Variants in PFKFB3 observed in about 807,000 individuals in gnomAD.
PFKFB3 encodes 6-phosphofructo-2-kinase/fructose-2,6-biphosphatase 3.
A neutral mutation model predicts 68.0 loss-of-function variants in PFKFB3; 33 were observed. The ratio of observed to expected loss-of-function variants is 0.49; its 90% CI spans 0.37 to 0.65. PFKFB3 has a LOEUF of 0.65. Among genes scored for constraint, PFKFB3 ranks in the 30% least tolerant of loss-of-function variants. The probability of loss-of-function intolerance (pLI) is 0.00; values close to 1 mark genes in which losing one functional copy is unlikely to be tolerated. For synonymous variants in PFKFB3, 315 were observed against 288.2 expected, an observed-to-expected ratio of 1.09 and a Z score of -0.94; for missense variants, 586 against 712.2, an observed-to-expected ratio of 0.82 and a Z score of 2.02.
intron 14 of PFKFB3, among the ~76,000 whole-genome samples, chr10:6,251,752 C>T (rs1216853234): frequency 6.6e-6 from 1 of 152,074 alleles, no homozygotes; most frequent in Admixed American, 6.6e-5. Flanking sequence ...GGGTGGATCA[C>T]GAGGTCAGGA....
rs994878620 is a variant in PFKFB3 at position 6,235,245 on chromosome 10, T to G, written c.*2303T>G. On this transcript the variant is annotated 3_prime_UTR_variant, in exon 15 of 15. Coordinates refer to ENST00000379775, the MANE Select transcript of PFKFB3 (RefSeq NM_004566.4). ...GGAACCACACCAATGATATTTTTCT[T>G]TGTAATACTTGAAATTTATTTTTTT... 3 of 152,824 alleles carry G rather than the reference T, an allele frequency of 2.0e-5. No homozygotes were observed. Among genetic ancestry groups the G allele is most frequent in the African/African-American group, 7.2e-5 (3 of 41,466 alleles). 9.5% of individuals were successfully genotyped at this position (152,824 alleles called of 1,614,324 possible).
At chr10:6,290,666 C>CA in the PFKFB3 span, among the ~76,000 whole-genome samples, 1 of 150,936 alleles carries the variant, frequency 6.6e-6, no homozygotes, top group Non-Finnish European at 1.5e-5. Context: ...GCCCAGCTAA[C>CA]TTTTTTTTTG....
intron 1 of PFKFB3, among the ~76,000 whole-genome samples, chr10:6,186,595 G>A (rs1301138019): frequency 1.3e-5 from 2 of 152,198 alleles, no homozygotes; most frequent in African/African-American, 4.8e-5. Flanking sequence ...ATGTGGATTG[G>A]AGATTAAATG....
downstream of PFKFB3, among the ~76,000 whole-genome samples, chr10:6,237,301 C>T (rs1291142603): frequency 3.3e-5 from 5 of 152,264 alleles, no homozygotes; most frequent in Admixed American, 6.5e-5. Flanking sequence ...CCCTGTGCCC[C>T]GTCATCGTCC....
chr10:6,167,960 T>C (rs1275648921), intron 1 of PFKFB3, among the ~76,000 whole-genome samples: 1 of 152,194 alleles, frequency 6.6e-6, no homozygotes, highest in Non-Finnish European at 1.5e-5. Flanking sequence ...TCGTTCCTGC[T>C]TTTTTCTAGG....
Position 6,218,728 on chromosome 10 carries a change from C to T in PFKFB3, c.499-841C>T, listed in dbSNP as rs532922252. Among the ~76,000 whole-genome samples, 52 of 152,218 alleles carry T rather than the reference C, an allele frequency of 3.4e-4. 1 individual carries two copies. The South Asian group carries it at 7.5e-3, about 22-fold the overall frequency. ...GATTACAGGCGTGAGCCACTGCATC[C>T]GGCCATTTTAGCTATTTTTTAAGTG... On this transcript the variant is annotated intron_variant, in intron 6 of 14. Transcript: ENST00000379775.
intron 14 of PFKFB3, among the ~76,000 whole-genome samples, chr10:6,226,785 T>TA (rs537211598): frequency 6.6e-6 from 1 of 152,076 alleles, no homozygotes; most frequent in Non-Finnish European, 1.5e-5. Context: ...CAGCAGGTAG[T>TA]AAAAAACCTA....
chr10:6,187,166 G>T (rs1842888342), intron 1 of PFKFB3, among the ~76,000 whole-genome samples: 1 of 151,274 alleles, frequency 6.6e-6, no homozygotes, highest in Admixed American at 6.6e-5. Context: ...TTCAAGACCA[G>T]CCTGGCCAAC....
chr10:6,187,638 T>C (rs1439876476), intron 1 of PFKFB3, among the ~76,000 whole-genome samples: 13 of 152,330 alleles, frequency 8.5e-5, no homozygotes, highest in African/African-American at 3.1e-4. Flanking sequence ...GTGTTTGAAA[T>C]ATTAGTGATG....
rs1842928700 is a variant in PFKFB3 at position 6,188,306 on chromosome 10, T to A, written c.17-25317T>A. 3.3e-5 allele frequency among the ~76,000 whole-genome samples: 5 copies of A among 151,768 alleles called. No homozygotes were observed. In the South Asian group the frequency reaches 1.0e-3, roughly 32 times the overall value. Reference sequence around the variant, plus strand: ...CTTCAAGTCTCACCAATTTTCCCACTACTGCTCTTTACCTTTAGCAAAATC... The same window carrying A: ...CTTCAAGTCTCACCAATTTTCCCACAACTGCTCTTTACCTTTAGCAAAATC... On this transcript the variant is annotated intron_variant, in intron 1 of 14. Transcript: ENST00000379789.
intron 14 of PFKFB3, among the ~76,000 whole-genome samples, chr10:6,243,078 G>A (rs963842202): frequency 6.6e-6 from 1 of 152,142 alleles, no homozygotes; most frequent in East Asian, 1.9e-4. Context: ...AAAAAATACT[G>A]GAAGACTCGG....
chr10:6,221,918 T>C (rs1844991717), intron 10 of PFKFB3, among the ~76,000 whole-genome samples, 173 bp downstream of exon 10: 1 of 152,064 alleles, frequency 6.6e-6, no homozygotes, highest in Admixed American at 6.5e-5. Context: ...TGGGGTGAAG[T>C]GCATTTTCCC....
chr10:6,221,335 A>T (rs771595531), intron 8 of PFKFB3, 46 bp from the exon 9 acceptor site: 1 of 1,607,730 alleles, frequency 6.2e-7, no homozygotes. Flanking sequence ...CTCTTGGAGG[A>T]GCTGCGGGCA....
intron 4 of PFKFB3, 111 bp from the exon 5 acceptor site, chr10:6,216,595 C>CT: frequency 2.5e-6 from 2 of 814,028 alleles, no homozygotes; most frequent in Admixed American, 3.7e-5. Context: ...CCCTGAAGCA[C>CT]TTTTGGGGCT....
chr10:6,301,496 A>G, the PFKFB3 span, among the ~76,000 whole-genome samples: 1 of 152,354 alleles, frequency 6.6e-6, no homozygotes, highest in Admixed American at 6.5e-5. Flanking sequence ...CCAGAGAAGC[A>G]CATTGTTTCC....
rs41306804 is a variant in PFKFB3, at chr10:6,225,115, A to G, written c.1341+902A>G. ...GACTGAGTAGAGTGGGCCTCTGCTC[A>G]GGTGGACGCGTGTTGTGAAAGTGAG... On this transcript the variant is annotated intron_variant, in intron 13 of 14. Transcript: ENST00000379775. 3.3e-3 allele frequency: 1,518 copies of G among 456,240 alleles called. 28 individuals carry two copies. The East Asian group carries it at 0.049, about 15-fold the overall frequency. 28.3% of individuals were successfully genotyped at this position (456,240 alleles called of 1,614,324 possible). A position where few individuals can be genotyped will look rare whatever the true frequency, so the allele number is the denominator to read the frequency against.
At chr10:6,283,755 A>G in the PFKFB3 span, among the ~76,000 whole-genome samples, 13 of 152,280 alleles carry the variant, frequency 8.5e-5, no homozygotes, top group East Asian at 2.3e-3. Context: ...AGGTGAACCA[A>G]TCGTGCAACC....
chr10:6,213,499 AGAGT>A (rs1388061888), intron 1 of PFKFB3, 120 bp from the exon 2 acceptor site: 1 of 1,137,764 alleles, frequency 8.8e-7, no homozygotes, highest in Non-Finnish European at 1.3e-6. Flanking sequence ...CCTGGGCAAC[AGAGT>A]GAGACCCTGT....
chr10:6,237,700 G>A (rs1846048045), downstream of PFKFB3, among the ~76,000 whole-genome samples: 1 of 152,076 alleles, frequency 6.6e-6, no homozygotes, highest in African/African-American at 2.4e-5. Flanking sequence ...CGAGTAGCTG[G>A]GACTACAGGC....
Sources: gnomAD v4.1 joint callset for allele counts (sites outside exome capture counted in the v4.1 genomes callset) on GRCh38, gnomAD v4.1.1 for gene constraint, MANE v1.5 for transcripts, NCBI Gene and HGNC (gene_info 2026-07-23, HGNC 2026-07-21) for gene names.